The following DAPK3 variants were observed in gnomAD, a reference collection of about 807,000 sequenced individuals.
The protein encoded by DAPK3 is death-associated protein kinase 3.
In DAPK3, 24 loss-of-function variants were observed where a neutral mutation model predicts 30.6. That is an observed-to-expected ratio of 0.78 (90% CI 0.57 to 1.10). DAPK3 has a LOEUF of 1.10. DAPK3 is among the 50% of genes least tolerant of loss of function. The pLI, the probability that DAPK3 is intolerant of heterozygous loss-of-function variation, is 0.00. For synonymous variants in DAPK3, 341 were observed against 284.0 expected, an observed-to-expected ratio of 1.20 and a Z score of -2.02; for missense variants, 629 against 657.3, an observed-to-expected ratio of 0.96 and a Z score of 0.47.
rs903879336 is a variant in DAPK3, at chr19:3,958,650, T to C, written c.*451A>G. On this transcript the variant is annotated 3_prime_UTR_variant, in exon 9 of 9. Transcript: ENST00000545797. ...CACCCAGCAGCGTGGGGACTGCCTG[T>C]CCGCCGTCCATCCCACCCTCCCCGT... 77 of 387,246 alleles carry C rather than the reference T, an allele frequency of 2.0e-4. No homozygotes were observed. Among genetic ancestry groups the C allele is most frequent in the African/African-American group, 1.5e-3 (73 of 48,010 alleles). The allele number at this position is 387,246 out of a possible 1,614,324, so 24.0% of individuals were successfully genotyped here.
rs1254427385 is a variant in DAPK3 at position 3,959,630 on chromosome 19, C to T, written c.836G>A (p.Arg279Gln). 1 of 1,578,646 alleles carries T rather than the reference C, an allele frequency of 6.3e-7. No individual in the cohort carries two copies. Among genetic ancestry groups the T allele is most frequent in the Non-Finnish European group, 8.6e-7 (1 of 1,169,106 alleles). The change falls in exon 9 of 9, where the codon CGG (arginine) becomes CAG (glutamine). Residue 279 changes from arginine (R) to glutamine (Q), a missense_variant. Arg to Gln is a conservative substitution (Grantham distance 43). This residue lies in a region of DAPK3 where 323 missense variants were observed against 278.8 expected (regional missense o/e 1.16). Coordinates refer to ENST00000545797, the MANE Select transcript of DAPK3 (RefSeq NM_001348.3). ...SLEHSWIKAIRRRNVRGEDSG... is the reference protein window; with the variant it reads ...SLEHSWIKAIQRRNVRGEDSG... ...GTCCTCACCACGCACGTTCCGCCGC[C>T]GGATCGCCTAGGAAGGAGGGAAGCC...
chr19:3,965,015 T>C (rs1354724984), intron 2 of DAPK3, 24 bp from the exon 3 acceptor site: 2 of 1,367,546 alleles, frequency 1.5e-6, no homozygotes, highest in East Asian at 4.6e-5. Context: ...AGGGAGTGAG[T>C]GGGGGTGGAG....
Position 3,960,422 on chromosome 19 carries a change from G to A in DAPK3, c.783-318C>T, listed in dbSNP as rs117855042. The stretch of plus-strand genomic sequence containing the variant: ...GTGTTTACAGGAAAACAAGTGACCT[G>A]GAATTTTACATGGATCCTTACTTTA... On this transcript the variant is annotated intron_variant, in intron 7 of 8. Coordinates refer to ENST00000545797, the MANE Select transcript of DAPK3 (RefSeq NM_001348.3). 2.3e-3 allele frequency among the ~76,000 whole-genome samples: 353 copies of A among 152,174 alleles called. 2 individuals are homozygous for A. The highest frequency in any genetic ancestry group is 3.6e-3 in the Non-Finnish European group (242 of 68,004).
chr19:3,963,742 G>GC, intron 5 of DAPK3, 73 bp from the exon 6 acceptor site: 2 of 1,349,998 alleles, frequency 1.5e-6, no homozygotes, highest in African/African-American at 1.4e-5. Flanking sequence ...GGCGTCCAGC[G>GC]CCCCTGTTCT....
At chr19:3,963,416 C>T (rs184702703) in intron 6 of DAPK3, among the ~76,000 whole-genome samples, 38 of 150,206 alleles carry the variant, frequency 2.5e-4, no homozygotes, top group African/African-American at 9.2e-4. Context: ...GACCCCCAAC[C>T]CGGAGCCTGC....
intron 7 of DAPK3, 139 bp from the exon 8 acceptor site, chr19:3,960,243 G>A (rs1039082772): frequency 6.3e-6 from 4 of 633,154 alleles, no homozygotes; most frequent in Non-Finnish European, 1.1e-5. Context: ...CTGAACAAGG[G>A]TACTGCAGGG....
rs751708813 is a variant in DAPK3 at position 3,964,886 on chromosome 19, C to T, written c.168G>A (p.Val56=). Reference sequence around the variant, plus strand: ...CCTCCCGCTCGATCTCCTCCCGGCTCACCCCACGCCGGCTGGATGACAGGC... The same window carrying T: ...CCTCCCGCTCGATCTCCTCCCGGCTTACCCCACGCCGGCTGGATGACAGGC... ...KRRLSSSRRG[V]SREEIEREVN... Residue 56 remains valine (V), a synonymous_variant, in exon 3 of 9, where the codon GTG becomes GTA. Coordinates refer to ENST00000545797, the MANE Select transcript of DAPK3 (RefSeq NM_001348.3). The T allele has an allele frequency of 6.2e-7, 1 of 1,611,242 alleles. No homozygotes were observed. Among genetic ancestry groups the T allele is most frequent in the South Asian group, 1.1e-5 (1 of 91,022 alleles).
intron 8 of DAPK3, 47 bp from the exon 9 acceptor site, chr19:3,959,684 C>A (rs1220333616): frequency 1.3e-6 from 2 of 1,490,490 alleles, no homozygotes; most frequent in Non-Finnish European, 1.8e-6. Flanking sequence ...TGCCACCCAG[C>A]CCCGCCAGCC....
chr19:3,969,049 C>T (rs891848191), intron 2 of DAPK3, among the ~76,000 whole-genome samples: 2 of 152,202 alleles, frequency 1.3e-5, no homozygotes, highest in African/African-American at 4.8e-5. Context: ...AGCTGGGAGA[C>T]ACGCCCCTCC....
intron 7 of DAPK3, among the ~76,000 whole-genome samples, chr19:3,960,682 C>T (rs1178639131): frequency 7.9e-5 from 12 of 151,286 alleles, no homozygotes; most frequent in South Asian, 4.2e-4. Context: ...GGGAGGCTAA[C>T]GCAGGAGAAT....
chr19:3,968,029 T>C (rs1262452458), intron 2 of DAPK3, among the ~76,000 whole-genome samples: 1 of 152,234 alleles, frequency 6.6e-6, no homozygotes, highest in Non-Finnish European at 1.5e-5. Context: ...GGTCAACTTA[T>C]GTTGCCCAGG....
Position 3,959,376 on chromosome 19 carries a change from CCTT to C in DAPK3, c.1087_1089del (p.Lys363del). On this transcript the variant is annotated inframe_deletion, in exon 9 of 9. Coordinates refer to ENST00000545797, the MANE Select transcript of DAPK3 (RefSeq NM_001348.3). ...TCGCTCTCCTCGCGGTACCAGGCCTCCTTCTCCTCGTAGATGGCGGCCAGCGCC... is the reference window on the plus strand; with the variant it reads ...TCGCTCTCCTCGCGGTACCAGGCCTCCTCCTCGTAGATGGCGGCCAGCGCC... The C allele has an allele frequency of 6.3e-7, 1 of 1,579,178 alleles. No individual in the cohort carries two copies. The highest frequency in any genetic ancestry group is 8.5e-7 in the Non-Finnish European group (1 of 1,170,306).
At chr19:3,968,566 G>T (rs898881602) in intron 2 of DAPK3, among the ~76,000 whole-genome samples, 1 of 152,100 alleles carries the variant, frequency 6.6e-6, no homozygotes, top group Non-Finnish European at 1.5e-5. Context: ...GTTTTCCAAT[G>T]AATTAATTCC....
Position 3,958,815 on chromosome 19 carries a change from T to C in DAPK3, c.*286A>G. 1.8e-6 allele frequency: 1 copy of C among 565,212 alleles called. No homozygotes were observed. The allele number at this position is 565,212 out of a possible 1,614,324, so 35.0% of individuals were successfully genotyped here. A position where few individuals can be genotyped will look rare whatever the true frequency, so the allele number is the denominator to read the frequency against. On this transcript the variant is annotated 3_prime_UTR_variant, in exon 9 of 9. Coordinates refer to ENST00000545797, the MANE Select transcript of DAPK3 (RefSeq NM_001348.3). Reference sequence around the variant, plus strand: ...TCTGCGCCTCGGTGGGTCCCAACCCTCACGGTGCCACAGGCCACGCTGCCT... The same window carrying C: ...TCTGCGCCTCGGTGGGTCCCAACCCCCACGGTGCCACAGGCCACGCTGCCT...
intron 6 of DAPK3, among the ~76,000 whole-genome samples, chr19:3,962,074 G>C (rs1056351200): frequency 1.2e-4 from 18 of 152,142 alleles, no homozygotes; most frequent in Admixed American, 1.2e-3. Flanking sequence ...AGCCAGGATG[G>C]TCTCAATGCC....
intron 7 of DAPK3, among the ~76,000 whole-genome samples, chr19:3,960,382 C>T (rs1310629062): frequency 2.6e-5 from 4 of 152,036 alleles, no homozygotes; most frequent in African/African-American, 4.8e-5. Flanking sequence ...GGGCTCAGCA[C>T]TGCCAGAATT....
At chr19:3,964,421 C>T in intron 3 of DAPK3, 48 bp from the exon 4 acceptor site, 8 of 1,474,696 alleles carry the variant, frequency 5.4e-6, no homozygotes, top group Non-Finnish European at 7.4e-6. Context: ...CTCCCCCACC[C>T]TCACCCCCAC....
At position 3,959,616 on chromosome 19, in the gene DAPK3, G is replaced by A. The variant is rs1355283883; in HGVS notation, c.850C>T (p.Arg284Cys). Residue 284 changes from arginine (R) to cysteine (C), a missense_variant, in exon 9 of 9, where the codon CGT becomes TGT. By Grantham distance (180) the Arg-to-Cys change is radical (BLOSUM62 -3). Transcript: ENST00000545797. ...GGCTTGCGGCCGCTGTCCTCACCAC[G>A]CACGTTCCGCCGCCGGATCGCCTAG... ...WIKAIRRRNVRGEDSGRKPER... is the reference protein window; with the variant it reads ...WIKAIRRRNVCGEDSGRKPER... 2.5e-6 allele frequency: 4 copies of A among 1,582,010 alleles called. No individual in the cohort carries two copies. Among genetic ancestry groups the A allele is most frequent in the African/African-American group, 1.3e-5 (1 of 74,672 alleles).
chr19:3,961,185 A>G (rs1401239082), intron 6 of DAPK3, 24 bp from the exon 7 acceptor site: 2 of 1,601,888 alleles, frequency 1.2e-6, no homozygotes, highest in Non-Finnish European at 1.7e-6. Context: ...GTGGGGGCTC[A>G]GTGGGGTCCT....
Sources: allele counts gnomAD v4.1 joint callset (sites outside exome capture counted in the v4.1 genomes callset), GRCh38; gene constraint gnomAD v4.1.1; regional missense constraint gnomAD v4.1.1; transcripts MANE v1.5; gene names NCBI Gene and HGNC (gene_info 2026-07-23, HGNC 2026-07-21).